CTNNA3: variants seen among roughly 807,000 people sequenced by gnomAD.
CTNNA3 encodes the protein catenin alpha 3.
CTNNA3 carries 76 observed loss-of-function variants against 95.7 expected under a neutral mutation model. The observed-to-expected ratio is 0.79, with a 90% confidence interval of 0.66 to 0.96. CTNNA3 has a LOEUF of 0.96. Among genes scored for constraint, CTNNA3 ranks in the 40% least tolerant of loss-of-function variants. CTNNA3 has a pLI of 0.00. For synonymous variants in CTNNA3, 431 were observed against 374.4 expected, an observed-to-expected ratio of 1.15 and a Z score of -1.74; for missense variants, 1,191 against 1,089.8, an observed-to-expected ratio of 1.09 and a Z score of -1.31.
Position 67,219,607 on chromosome 10 carries a change from C to T in CTNNA3, c.843G>A (p.Glu281=). 6.2e-7 allele frequency: 1 copy of T among 1,611,142 alleles called. No individual in the cohort carries two copies. Among genetic ancestry groups the T allele is most frequent in the African/African-American group, 1.3e-5 (1 of 75,006 alleles). Residue 281 remains glutamate, a splice_region_variant and synonymous_variant, in exon 6 of 18, where the codon GAG becomes GAA. Coordinates refer to ENST00000433211, the MANE Select transcript of CTNNA3 (RefSeq NM_013266.4). ...ACACTTTATCTTTCTCCCGACTTACCTCCAGCTCATCAAGGGCACTTCCCA... is the reference window on the plus strand; with the variant it reads ...ACACTTTATCTTTCTCCCGACTTACTTCCAGCTCATCAAGGGCACTTCCCA... The part of the protein sequence containing the change: ...ATLGSALDEL[E]NLIVLNPLTV...
chr10:65,942,395 C>T (rs1262503144), intron 17 of CTNNA3, among the ~76,000 whole-genome samples: 1 of 152,000 alleles, frequency 6.6e-6, no homozygotes, highest in Non-Finnish European at 1.5e-5. Context: ...GGTGTGGTGG[C>T]AGGTGCCTAT....
At chr10:66,335,928 G>A (rs2092390077) in intron 12 of CTNNA3, among the ~76,000 whole-genome samples, 1 of 152,120 alleles carries the variant, frequency 6.6e-6, no homozygotes, top group South Asian at 2.1e-4. Context: ...CCTGGGCAAT[G>A]GCGGGGTGCC....
At chr10:67,174,530 A>G (rs947089147) in intron 7 of CTNNA3, among the ~76,000 whole-genome samples, 6 of 152,202 alleles carry the variant, frequency 3.9e-5, no homozygotes, top group African/African-American at 1.4e-4. Context: ...AAGACTAGGA[A>G]CCCAGAGCAG....
intron 7 of CTNNA3, among the ~76,000 whole-genome samples, chr10:66,979,691 TAC>T (rs1178664446): frequency 6.6e-6 from 1 of 152,194 alleles, no homozygotes; most frequent in African/African-American, 2.4e-5. Context: ...ATAGGTGAGA[TAC>T]AGAGTACTGT....
At chr10:67,019,880 T>C (rs886433990) in intron 7 of CTNNA3, among the ~76,000 whole-genome samples, 1 of 152,214 alleles carries the variant, frequency 6.6e-6, no homozygotes, top group Admixed American at 6.5e-5. Context: ...TTTTCTCCAT[T>C]GCTGTAATTC....
chr10:67,685,534 A>G (rs1487546581), intron 1 of CTNNA3, among the ~76,000 whole-genome samples: 2 of 152,158 alleles, frequency 1.3e-5, no homozygotes, highest in African/African-American at 4.8e-5. Context: ...TATGATTTAG[A>G]TCCCCTGTTA....
chr10:66,584,474 A>G (rs1843295106), intron 10 of CTNNA3, among the ~76,000 whole-genome samples: 1 of 151,748 alleles, frequency 6.6e-6, no homozygotes, highest in Non-Finnish European at 1.5e-5. Flanking sequence ...TCTAAAGTCT[A>G]TTTTATTTGT....
In CTNNA3 at chr10:66,716,085, C is replaced by T. The variant is rs10997349; in HGVS notation, c.1281+50179G>A. Among the ~76,000 whole-genome samples the T allele has an allele frequency of 6.2e-3, 943 of 152,170 alleles. 4 individuals carry two copies. The highest frequency in any genetic ancestry group is 9.9e-3 in the Non-Finnish European group (676 of 67,994). ...TGAGCATCCACTATCCATTTGCTTGCCAATATGAAGAATTGGTAGCACACT... is the reference window on the plus strand; with the variant it reads ...TGAGCATCCACTATCCATTTGCTTGTCAATATGAAGAATTGGTAGCACACT... On this transcript the variant is annotated intron_variant, in intron 9 of 17. Transcript: ENST00000433211.
At chr10:66,505,864 A>G (rs1008066593) in intron 11 of CTNNA3, among the ~76,000 whole-genome samples, 1 of 152,218 alleles carries the variant, frequency 6.6e-6, no homozygotes, top group East Asian at 1.9e-4. Context: ...GTTACTATTT[A>G]AAATTTCAGA....
At chr10:66,009,086 T>A (rs920206593) in intron 15 of CTNNA3, among the ~76,000 whole-genome samples, 19 of 151,496 alleles carry the variant, frequency 1.3e-4, no homozygotes, top group African/African-American at 4.6e-4. Flanking sequence ...GGTGACAGAG[T>A]GAGACTCAAT....
intron 9 of CTNNA3, among the ~76,000 whole-genome samples, chr10:66,659,811 TC>T (rs1020693423): frequency 6.6e-6 from 1 of 152,078 alleles, no homozygotes; most frequent in Non-Finnish European, 1.5e-5. Context: ...ATCTTAGACT[TC>T]CCAACCTCCA....
intron 10 of CTNNA3, among the ~76,000 whole-genome samples, chr10:66,544,553 T>C (rs918267477): frequency 1.3e-5 from 2 of 152,160 alleles, no homozygotes; most frequent in Non-Finnish European, 2.9e-5. Context: ...TCTGTGTTTT[T>C]AGTAATATAT....
In CTNNA3 at chr10:66,933,279, A is replaced by G. The variant is rs557177789; in HGVS notation, c.1048-157755T>C. Among the ~76,000 whole-genome samples, 130 of 152,338 alleles carry G rather than the reference A, an allele frequency of 8.5e-4. No individual in the cohort carries two copies. In the Middle Eastern group the frequency reaches 0.024, roughly 28 times the overall value. ...GGCACAGCTTCTTCCACCTCATGTT[A>G]TCTAAGTCTATGATTTTTATACTGA... On this transcript the variant is annotated intron_variant, in intron 7 of 17. Coordinates refer to ENST00000433211, the MANE Select transcript of CTNNA3 (RefSeq NM_013266.4).
intron 11 of CTNNA3, among the ~76,000 whole-genome samples, chr10:66,399,961 AGAT>A (rs2093007716): frequency 6.6e-6 from 1 of 152,052 alleles, no homozygotes; most frequent in African/African-American, 2.4e-5. Context: ...CAAACTTAGA[AGAT>A]GAACTCCTAA....
At chr10:67,500,562 A>C (rs1589363616) in intron 5 of CTNNA3, among the ~76,000 whole-genome samples, 1 of 152,326 alleles carries the variant, frequency 6.6e-6, no homozygotes, top group Non-Finnish European at 1.5e-5. Flanking sequence ...TGGGAGTCTA[A>C]GTCTCTTTGT....
intron 17 of CTNNA3, among the ~76,000 whole-genome samples, chr10:65,935,024 C>T (rs979882349): frequency 6.6e-6 from 1 of 152,026 alleles, no homozygotes; most frequent in African/African-American, 2.4e-5. Context: ...TATGACTGTC[C>T]CCTATTCACT....
intron 7 of CTNNA3, among the ~76,000 whole-genome samples, chr10:67,113,038 G>A (rs973544405): frequency 2.6e-5 from 4 of 152,062 alleles, no homozygotes; most frequent in African/African-American, 4.8e-5. Context: ...GGTTACATTC[G>A]CTATCATGGT....
chr10:67,419,834 C>G (rs1589272935), intron 5 of CTNNA3, among the ~76,000 whole-genome samples: 3 of 152,088 alleles, frequency 2.0e-5, no homozygotes, highest in Non-Finnish European at 4.4e-5. Flanking sequence ...ATCTGATGCA[C>G]TAGTGTTCTT....
intron 7 of CTNNA3, among the ~76,000 whole-genome samples, chr10:66,827,103 G>C (rs1208487594): frequency 6.6e-6 from 1 of 152,182 alleles, no homozygotes; most frequent in Non-Finnish European, 1.5e-5. Flanking sequence ...GAATGAAGGT[G>C]GCACAGGCTC....
Sources: gnomAD v4.1 joint callset for allele counts (sites outside exome capture counted in the v4.1 genomes callset) on GRCh38, gnomAD v4.1.1 for gene constraint, MANE v1.5 for transcripts, NCBI Gene and HGNC (gene_info 2026-07-23, HGNC 2026-07-21) for gene names.